Variants in PGAP1 observed in about 807,000 individuals in gnomAD.
PGAP1 encodes the protein GPI inositol-deacylase.
Under a neutral mutation model 127.0 loss-of-function variants are expected in PGAP1, and 76 were observed. The observed-to-expected ratio is 0.60, with a 90% CI of 0.50 to 0.72. PGAP1 has a LOEUF of 0.72. Ranked by LOEUF, PGAP1 falls within the 30% of genes least tolerant of loss-of-function variation. The pLI, the probability that PGAP1 is intolerant of heterozygous loss-of-function variation, is 0.00. For missense variants in PGAP1, 982 were observed against 1,071.3 expected (o/e 0.92, Z 1.16); for synonymous variants, 362 against 366.5 (o/e 0.99, Z 0.14).
intron 1 of PGAP1, among the ~76,000 whole-genome samples, chr2:196,923,689 G>A (rs992984642): frequency 1.4e-5 from 2 of 147,050 alleles, no homozygotes; most frequent in Non-Finnish European, 3.0e-5. Context: ...TTGAGACAGA[G>A]TCTCACTGTC....
chr2:196,890,100 G>A (rs1246732150), intron 10 of PGAP1, among the ~76,000 whole-genome samples: 2 of 151,564 alleles, frequency 1.3e-5, no homozygotes, highest in South Asian at 2.1e-4. Context: ...ACCCAGCTAA[G>A]TTTTTTGTAT....
chr2:196,855,325 CAAA>C (rs112534782), intron 20 of PGAP1, among the ~76,000 whole-genome samples: 1 of 67,132 alleles, frequency 1.5e-5, no homozygotes, highest in Non-Finnish European at 3.0e-5. Flanking sequence ...ACTCTGTCAC[CAAA>C]AAAAAAAAAA....
chr2:196,847,204 T>C lies in PGAP1; in HGVS notation c.1953-4A>G, dbSNP rs1445914512. Reference sequence around the variant, plus strand: ...CAATTCTTTAAACCATTTATACCTGTGGAGAAAAGAAAATATAAAAGCAAA... The same window carrying C: ...CAATTCTTTAAACCATTTATACCTGCGGAGAAAAGAAAATATAAAAGCAAA... On this transcript the variant is annotated splice_polypyrimidine_tract_variant and splice_region_variant and intron_variant, in intron 21 of 26. Coordinates refer to ENST00000354764, the MANE Select transcript of PGAP1 (RefSeq NM_024989.4). 6.3e-7 allele frequency: 1 copy of C among 1,591,808 alleles called. No homozygotes were observed. The highest frequency in any genetic ancestry group is 8.5e-7 in the Non-Finnish European group (1 of 1,171,080).
chr2:196,906,563 C>A, intron 4 of PGAP1, among the ~76,000 whole-genome samples: 1 of 40,706 alleles, frequency 2.5e-5, no homozygotes. Context: ...TCCAAAGGAA[C>A]GCAGTTCCTC....
rs1559377816 is a variant in PGAP1, at chr2:196,926,677, C to G, written c.-61G>C. On this transcript the variant is annotated 5_prime_UTR_variant, in exon 1 of 27. Transcript: ENST00000354764. Reference sequence around the variant, plus strand: ...CTCTACCTCCTTCTCCGCCGCGGGGCCCCAAGCCCGGACTGAGCGTGCTAG... The same window carrying G: ...CTCTACCTCCTTCTCCGCCGCGGGGGCCCAAGCCCGGACTGAGCGTGCTAG... 6.2e-7 allele frequency: 1 copy of G among 1,608,738 alleles called. No individual in the cohort carries two copies. Among genetic ancestry groups the G allele is most frequent in the Admixed American group, 1.7e-5 (1 of 59,768 alleles).
intron 13 of PGAP1, among the ~76,000 whole-genome samples, chr2:196,877,230 CA>C (rs982911963): frequency 2.0e-5 from 3 of 151,908 alleles, no homozygotes; most frequent in South Asian, 4.2e-4. Context: ...TTTTCTGTTA[CA>C]AAAAAATGCA....
At chr2:196,922,196 C>T in intron 1 of PGAP1, 1 of 1,295,748 alleles carries the variant, frequency 7.7e-7, no homozygotes, top group South Asian at 1.3e-5. Context: ...TCTACATAAA[C>T]TCAAAAGGTA....
chr2:196,882,174 T>C (rs1211140333), intron 12 of PGAP1, among the ~76,000 whole-genome samples: 2 of 152,202 alleles, frequency 1.3e-5, no homozygotes, highest in Non-Finnish European at 2.9e-5. Flanking sequence ...TGTGGCTTTA[T>C]TTCTGGGTTC....
At chr2:196,887,097 T>C (rs1350822028) in intron 10 of PGAP1, among the ~76,000 whole-genome samples, 3 of 152,184 alleles carry the variant, frequency 2.0e-5, no homozygotes, top group African/African-American at 7.2e-5. Flanking sequence ...TTTTAACATA[T>C]TCTGTATTCA....
chr2:196,913,141 T>C (rs1216064658), intron 3 of PGAP1, 88 bp from the exon 4 acceptor site: 3 of 1,222,816 alleles, frequency 2.5e-6, no homozygotes, highest in South Asian at 1.6e-5. Context: ...ACCAATTTTA[T>C]AGGAAAAAGA....
At chr2:196,882,746 T>C (rs904434004) in intron 12 of PGAP1, among the ~76,000 whole-genome samples, 1 of 152,190 alleles carries the variant, frequency 6.6e-6, no homozygotes, top group African/African-American at 2.4e-5. Context: ...CTTAAGGAGC[T>C]TTTGGGCTGA....
intron 19 of PGAP1, among the ~76,000 whole-genome samples, chr2:196,867,234 A>C (rs2125795062): frequency 6.6e-6 from 1 of 152,350 alleles, no homozygotes; most frequent in East Asian, 1.9e-4. Flanking sequence ...GAATCAACCC[A>C]TCAATGATAG....
intron 3 of PGAP1, among the ~76,000 whole-genome samples, chr2:196,916,045 G>A (rs558384468): frequency 6.6e-6 from 1 of 152,256 alleles, no homozygotes; most frequent in Non-Finnish European, 1.5e-5. Flanking sequence ...CTCAAAACAG[G>A]TGCTTCACAT....
At position 196,847,939 on chromosome 2, in the gene PGAP1, A is replaced by G; in HGVS notation, c.1952+8T>C. On this transcript the variant is annotated splice_region_variant and intron_variant, in intron 21 of 26. Transcript: ENST00000354764. ...ATTAAAATCATTATCACAGATAATA[A>G]AACTTACCCCAACAGAAACTTAATG... 1 of 1,539,636 alleles carries G rather than the reference A, an allele frequency of 6.5e-7. No homozygotes were observed. Among genetic ancestry groups the G allele is most frequent in the Non-Finnish European group, 8.8e-7 (1 of 1,140,894 alleles).
intron 20 of PGAP1, among the ~76,000 whole-genome samples, chr2:196,851,370 G>A (rs1265337209): frequency 2.0e-5 from 3 of 151,932 alleles, no homozygotes; most frequent in Non-Finnish European, 2.9e-5. Context: ...GTCCAACCTC[G>A]GGCTGCCACC....
intron 10 of PGAP1, 122 bp downstream of exon 10, chr2:196,890,706 A>G (rs1156422454): frequency 1.6e-6 from 1 of 606,570 alleles, no homozygotes; most frequent in African/African-American, 1.8e-5. Context: ...TCGTCCAGAG[A>G]AATTATTTTT....
chr2:196,885,096 A>G (rs745343859), intron 12 of PGAP1, among the ~76,000 whole-genome samples: 2 of 152,176 alleles, frequency 1.3e-5, no homozygotes, highest in Non-Finnish European at 2.9e-5. Context: ...CTCAGCTCAT[A>G]TTTTAAGGCA....
chr2:196,834,456 G>A lies in PGAP1; in HGVS notation c.*6778C>T, dbSNP rs899310888. 7.2e-5 allele frequency: 11 copies of A among 152,320 alleles called. No individual in the cohort carries two copies. The highest frequency in any genetic ancestry group is 2.7e-4 in the African/African-American group (11 of 41,390). 9.4% of individuals were successfully genotyped at this position (152,320 alleles called of 1,614,324 possible). ...TGCAGGGCACTCTTTATCATTTCAA[G>A]GCACACTCTGTTTTATCCCAAATGA... On this transcript the variant is annotated 3_prime_UTR_variant, in exon 27 of 27. Transcript: ENST00000354764.
intron 12 of PGAP1, among the ~76,000 whole-genome samples, chr2:196,881,814 T>C (rs1484778661): frequency 1.3e-5 from 2 of 152,222 alleles, no homozygotes; most frequent in African/African-American, 4.8e-5. Flanking sequence ...ATTCTGTAGG[T>C]TGTCTGTTCA....
Sources: allele counts gnomAD v4.1 joint callset (sites outside exome capture counted in the v4.1 genomes callset), GRCh38; gene constraint gnomAD v4.1.1; transcripts MANE v1.5; gene names NCBI Gene and HGNC (gene_info 2026-07-23, HGNC 2026-07-21).